Variants in LRMDA observed in about 807,000 individuals in gnomAD.
LRMDA encodes leucine rich melanocyte differentiation associated, also known as leucine-rich melanocyte differentiation-associated protein.
LRMDA carries 18 observed loss-of-function variants against 29.8 expected under a neutral mutation model. The ratio of observed to expected loss-of-function variants is 0.60; its 90% confidence interval spans 0.42 to 0.90. LRMDA has a LOEUF of 0.90. Among genes scored for constraint, LRMDA ranks in the 40% least tolerant of loss-of-function variants. The pLI is 0.00. For missense variants in LRMDA, 273 were observed against 273.9 expected (o/e 1.00, Z 0.02); for synonymous variants, 125 against 109.4 (o/e 1.14, Z -0.89).
intron 2 of LRMDA, among the ~76,000 whole-genome samples, chr10:76,025,136 G>T (rs117910282): frequency 5.5e-4 from 83 of 152,010 alleles, no homozygotes; most frequent in Non-Finnish European, 1.1e-3. Flanking sequence ...CTCAAGCCGT[G>T]AATCAAAATA....
At chr10:75,566,009 A>C (rs1326972543) in intron 2 of LRMDA, among the ~76,000 whole-genome samples, 2 of 152,242 alleles carry the variant, frequency 1.3e-5, no homozygotes, top group Non-Finnish European at 2.9e-5. Context: ...TGGAAGGTCA[A>C]GGCTGCAGTG....
intron 5 of LRMDA, among the ~76,000 whole-genome samples, chr10:76,193,209 G>T (rs915964425): frequency 1.3e-5 from 2 of 152,150 alleles, no homozygotes; most frequent in African/African-American, 4.8e-5. Flanking sequence ...AAGGAAGCGG[G>T]GAGCCAAGAT....
intron 5 of LRMDA, among the ~76,000 whole-genome samples, chr10:76,166,004 C>T (rs528372131): frequency 2.0e-5 from 3 of 152,188 alleles, no homozygotes; most frequent in African/African-American, 7.2e-5. Context: ...AGTGGGAATA[C>T]AGAGGGAAAG....
chr10:76,040,006 G>T (rs557056936), intron 3 of LRMDA, among the ~76,000 whole-genome samples: 1 of 152,158 alleles, frequency 6.6e-6, no homozygotes, highest in Non-Finnish European at 1.5e-5. Flanking sequence ...ATGGCATTCC[G>T]TGAGTTGGGT....
At chr10:76,006,871 G>A (rs895811272) in intron 2 of LRMDA, among the ~76,000 whole-genome samples, 1 of 152,152 alleles carries the variant, frequency 6.6e-6, no homozygotes, top group Admixed American at 6.5e-5. Context: ...TTTTAGAGAT[G>A]CAATTTGAAA....
chr10:76,317,849 C>T (rs1222095823), intron 5 of LRMDA, among the ~76,000 whole-genome samples: 11 of 152,146 alleles, frequency 7.2e-5, no homozygotes, highest in Admixed American at 2.6e-4. Context: ...GCTGGGATTA[C>T]GGATGTGAGC....
At chr10:75,867,087 C>T (rs1264781656) in intron 2 of LRMDA, among the ~76,000 whole-genome samples, 2 of 152,190 alleles carry the variant, frequency 1.3e-5, no homozygotes, top group South Asian at 2.1e-4. Context: ...GCCGTCTGGA[C>T]AGGCAGTCTC....
chr10:75,529,670 A>T (rs553732119), intron 2 of LRMDA, among the ~76,000 whole-genome samples: 236 of 152,318 alleles, frequency 1.5e-3, no homozygotes, highest in African/African-American at 5.5e-3. Context: ...GAGGTGACTT[A>T]AAAAATTGGC....
At chr10:76,380,475 C>T (rs1347166344) in intron 6 of LRMDA, among the ~76,000 whole-genome samples, 2 of 151,928 alleles carry the variant, frequency 1.3e-5, no homozygotes, top group Non-Finnish European at 2.9e-5. Context: ...CGAGACCATC[C>T]TGGCTAACAT....
intron 2 of LRMDA, among the ~76,000 whole-genome samples, chr10:75,496,306 T>C (rs957394569): frequency 9.2e-5 from 14 of 152,176 alleles, no homozygotes; most frequent in Non-Finnish European, 1.9e-4. Context: ...TGAGGCTCAG[T>C]GGTTTTTTAA....
intron 2 of LRMDA, among the ~76,000 whole-genome samples, chr10:76,011,442 G>A (rs1239748315): frequency 3.3e-5 from 5 of 152,108 alleles, no homozygotes; most frequent in African/African-American, 7.2e-5. Flanking sequence ...GATGCTCTAC[G>A]GGGCCATGGA....
chr10:76,505,349 C>T (rs953807215), intron 6 of LRMDA, among the ~76,000 whole-genome samples: 1 of 151,852 alleles, frequency 6.6e-6, no homozygotes, highest in African/African-American at 2.4e-5. Flanking sequence ...TGCATGCCAG[C>T]CTGTCTAGCA....
intron 2 of LRMDA, among the ~76,000 whole-genome samples, chr10:75,881,668 T>G (rs1845297256): frequency 6.6e-6 from 1 of 152,220 alleles, no homozygotes; most frequent in African/African-American, 2.4e-5. Context: ...TTCATTTGCA[T>G]GGGGTGAACA....
chr10:76,053,023 A>G (rs1848554982), intron 4 of LRMDA, among the ~76,000 whole-genome samples: 2 of 152,244 alleles, frequency 1.3e-5, no homozygotes, highest in Non-Finnish European at 2.9e-5. Flanking sequence ...CAGGATTTAT[A>G]GACGGGGGTT....
chr10:75,964,073 C>T (rs939048243), intron 2 of LRMDA, among the ~76,000 whole-genome samples: 6 of 151,752 alleles, frequency 4.0e-5, no homozygotes, highest in Non-Finnish European at 5.9e-5. Flanking sequence ...GTTTTTTTCA[C>T]GTTCATATTA....
intron 6 of LRMDA, among the ~76,000 whole-genome samples, chr10:76,435,043 C>G (rs1202142565): frequency 6.6e-6 from 1 of 152,162 alleles, no homozygotes; most frequent in African/African-American, 2.4e-5. Context: ...TGCCACGTTT[C>G]TGCCCCATAA....
At chr10:75,965,652 G>A (rs946063313) in intron 2 of LRMDA, among the ~76,000 whole-genome samples, 1 of 152,008 alleles carries the variant, frequency 6.6e-6, no homozygotes, top group Non-Finnish European at 1.5e-5. Flanking sequence ...GGCTTGGCCC[G>A]GCTCAGTTTC....
At chr10:75,568,239 T>C (rs1352875941) in intron 2 of LRMDA, among the ~76,000 whole-genome samples, 5 of 152,196 alleles carry the variant, frequency 3.3e-5, no homozygotes, top group Admixed American at 3.3e-4. Flanking sequence ...TCTGAAGACA[T>C]TTAGCACAAT....
At chr10:76,541,738 C>T (rs1438117166) in intron 6 of LRMDA, among the ~76,000 whole-genome samples, 5 of 152,130 alleles carry the variant, frequency 3.3e-5, no homozygotes, top group Non-Finnish European at 5.9e-5. Context: ...TGTCAGAACA[C>T]GGCATGCCAG....
Sources: allele counts gnomAD v4.1 joint callset (sites outside exome capture counted in the v4.1 genomes callset), GRCh38; gene constraint gnomAD v4.1.1; transcripts MANE v1.5; gene names NCBI Gene and HGNC (gene_info 2026-07-23, HGNC 2026-07-21).